The following PDZD2 variants were observed in gnomAD, a reference collection of about 807,000 sequenced individuals.
PDZD2 encodes PDZ domain-containing protein 2.
PDZD2 carries 90 observed loss-of-function variants against 220.7 expected under a neutral mutation model. The ratio of observed to expected loss-of-function variants is 0.41; its 90% CI spans 0.34 to 0.49. The LOEUF (loss-of-function observed/expected upper bound fraction) is 0.49. Among genes scored for constraint, PDZD2 ranks in the 20% least tolerant of loss-of-function variants. The pLI is 0.28. For missense variants in PDZD2, 3,174 were observed against 3,608.5 expected (o/e 0.88, Z 3.08); for synonymous variants, 1,375 against 1,450.5 (o/e 0.95, Z 1.18).
intron 7 of PDZD2, among the ~76,000 whole-genome samples, chr5:32,038,628 A>G (rs1018308718): frequency 3.3e-5 from 5 of 152,198 alleles, no homozygotes; most frequent in Non-Finnish European, 1.5e-5. Context: ...GCTTATTTAA[A>G]AAGATATTTA....
At chr5:31,757,019 C>T (rs1751342084) in intron 1 of PDZD2, among the ~76,000 whole-genome samples, 1 of 152,250 alleles carries the variant, frequency 6.6e-6, no homozygotes, top group Admixed American at 6.5e-5. Flanking sequence ...TCGGGCGGTT[C>T]ATGCCTGTAA....
chr5:31,870,550 T>C (rs1368242732), intron 2 of PDZD2, among the ~76,000 whole-genome samples: 1 of 152,176 alleles, frequency 6.6e-6, no homozygotes, highest in Non-Finnish European at 1.5e-5. Context: ...GTAGCAAGTG[T>C]CAGGTTTCTT....
At chr5:31,955,468 T>C (rs924199911) in intron 2 of PDZD2, among the ~76,000 whole-genome samples, 12 of 151,934 alleles carry the variant, frequency 7.9e-5, no homozygotes, top group African/African-American at 2.9e-4. Context: ...GCCCAGCTAA[T>C]TTTTGTATTT....
chr5:31,929,753 GA>G (rs33916253), intron 2 of PDZD2, among the ~76,000 whole-genome samples: 143,466 of 151,304 alleles, frequency 0.95, 68,055 homozygotes, highest in African/African-American at 0.99. Flanking sequence ...TCGGGAGGCT[GA>G]AAAAAAAAAG....
chr5:32,025,273 C>T (rs1179550086), intron 6 of PDZD2, among the ~76,000 whole-genome samples: 1 of 152,142 alleles, frequency 6.6e-6, no homozygotes, highest in Non-Finnish European at 1.5e-5. Context: ...CATCTGTAAT[C>T]CCAGCACTTT....
intron 2 of PDZD2, chr5:31,923,389 C>T: frequency 8.0e-7 from 1 of 1,245,852 alleles, no homozygotes; most frequent in Admixed American, 1.7e-5. Flanking sequence ...AGCAAAGAGG[C>T]CAAGCAGAGA....
intron 1 of PDZD2, among the ~76,000 whole-genome samples, chr5:31,730,091 G>C (rs1389204801): frequency 1.3e-5 from 2 of 152,186 alleles, no homozygotes; most frequent in East Asian, 1.9e-4. Flanking sequence ...GCCTCCCAAA[G>C]TGCTGGGATT....
chr5:31,876,826 G>T (rs570309647), intron 2 of PDZD2, among the ~76,000 whole-genome samples: 3 of 152,226 alleles, frequency 2.0e-5, no homozygotes, highest in Non-Finnish European at 4.4e-5. Flanking sequence ...AAAGATGAAA[G>T]CAATGGAGCC....
Position 31,858,423 on chromosome 5 carries a change from TC to T in PDZD2, c.476+58701del, listed in dbSNP as rs367647942. Among the ~76,000 whole-genome samples, 555 of 152,370 alleles carry T rather than the reference TC, an allele frequency of 3.6e-3. 2 individuals are homozygous for T. The highest frequency in any genetic ancestry group is 0.013 in the African/African-American group (532 of 41,592). ...GATAGTGAAAGAGATGTGATCTGAC[TC>T]CATCTTGCTTCTAACCTCCAGGTTG... is the stretch of plus-strand genomic sequence containing the variant. On this transcript the variant is annotated intron_variant, in intron 2 of 24. Transcript: ENST00000438447.
At chr5:31,689,660 C>A (rs1159500777) in intron 1 of PDZD2, among the ~76,000 whole-genome samples, 2 of 151,926 alleles carry the variant, frequency 1.3e-5, no homozygotes, top group Non-Finnish European at 2.9e-5. Context: ...CTGATTGTAT[C>A]CTTAGAGTCC....
intron 1 of PDZD2, among the ~76,000 whole-genome samples, chr5:31,726,943 G>T (rs1290709712): frequency 6.6e-6 from 1 of 152,202 alleles, no homozygotes; most frequent in Non-Finnish European, 1.5e-5. Flanking sequence ...CTTCTGGGGG[G>T]CCTCAGGGAG....
chr5:32,089,029 A>G lies in PDZD2; in HGVS notation c.5581A>G (p.Lys1861Glu). ...TCAGCCGAAAACAAACCTGGAAAAT[A>G]AGGACCTGTCTAAGAAGAGTCCGGC... ...PPQPKTNLEN[K>E]DLSKKSPAEM... is the part of the protein sequence containing the mutation. Residue 1861 changes from lysine to glutamate, a missense_variant, in exon 20 of 25, where the codon AAG becomes GAG. Around this residue, in one of 4 missense-constraint regions of PDZD2, gnomAD observed 1,861 missense variants for 2,001.0 expected, o/e 0.93. Coordinates refer to ENST00000438447, the MANE Select transcript of PDZD2 (RefSeq NM_178140.4). 15 of 1,613,912 alleles carry G rather than the reference A, an allele frequency of 9.3e-6. No individual in the cohort carries two copies. Among genetic ancestry groups the G allele is most frequent in the Non-Finnish European group, 1.1e-5 (13 of 1,179,960 alleles).
intron 1 of PDZD2, among the ~76,000 whole-genome samples, chr5:31,701,207 T>A (rs55653692): frequency 0.33 from 32,400 of 99,238 alleles, 3,412 homozygotes; most frequent in African/African-American, 0.46. Context: ...ATATATATAT[T>A]TTTTTTTGAG....
intron 2 of PDZD2, among the ~76,000 whole-genome samples, chr5:31,915,088 CGT>C (rs1743564583): frequency 6.6e-6 from 1 of 152,070 alleles, no homozygotes; most frequent in Non-Finnish European, 1.5e-5. Flanking sequence ...CATTGGATAC[CGT>C]TACTTTCTAA....
chr5:31,791,655 T>C (rs1383089820), intron 1 of PDZD2, among the ~76,000 whole-genome samples: 1 of 151,516 alleles, frequency 6.6e-6, no homozygotes, highest in Non-Finnish European at 1.5e-5. Flanking sequence ...TCTAAATTTT[T>C]CTTACCATTT....
Position 31,724,421 on chromosome 5 carries a change from G to A in PDZD2, c.-360-74468G>A, listed in dbSNP as rs1352774395. Among the ~76,000 whole-genome samples, 6 of 152,000 alleles carry A rather than the reference G, an allele frequency of 3.9e-5. No homozygotes were observed. In the East Asian group the frequency reaches 1.2e-3, roughly 29 times the overall value. On this transcript the variant is annotated intron_variant, in intron 1 of 24. Transcript: ENST00000438447. Reference sequence around the variant, plus strand: ...AATTCGAGACCAGCTGACCAACATGGAGAAACCCCGTCTCTACTAAAAATA... The same window carrying A: ...AATTCGAGACCAGCTGACCAACATGAAGAAACCCCGTCTCTACTAAAAATA...
chr5:31,967,299 A>G (rs1463059347), intron 2 of PDZD2, among the ~76,000 whole-genome samples: 4 of 152,144 alleles, frequency 2.6e-5, no homozygotes, highest in Non-Finnish European at 5.9e-5. Flanking sequence ...AGATACATGG[A>G]CCCACGGGAA....
At chr5:31,705,216 A>T (rs989848221) in intron 1 of PDZD2, among the ~76,000 whole-genome samples, 4 of 139,510 alleles carry the variant, frequency 2.9e-5, no homozygotes, top group African/African-American at 1.1e-4. Context: ...ACACATACAC[A>T]CTCACACTCA....
intron 1 of PDZD2, among the ~76,000 whole-genome samples, chr5:31,673,790 G>T (rs1408076089): frequency 6.6e-6 from 1 of 152,110 alleles, no homozygotes; most frequent in African/African-American, 2.4e-5. Flanking sequence ...GGCCAACATG[G>T]TGAAACCTTG....
Sources: allele counts gnomAD v4.1 joint callset (sites outside exome capture counted in the v4.1 genomes callset), GRCh38; gene constraint gnomAD v4.1.1; regional missense constraint gnomAD v4.1.1; transcripts MANE v1.5; gene names NCBI Gene and HGNC (gene_info 2026-07-23, HGNC 2026-07-21).